Variants in CLYBL observed in about 807,000 individuals in gnomAD.
CLYBL encodes citramalyl-CoA lyase, mitochondrial.
A neutral mutation model predicts 38.9 loss-of-function variants in CLYBL; 31 were observed. The ratio of observed to expected loss-of-function variants is 0.80; its 90% CI spans 0.60 to 1.08. The LOEUF (loss-of-function observed/expected upper bound fraction) is 1.08, where lower values mean the gene tolerates loss of function less well. Among genes scored for constraint, CLYBL ranks in the 50% least tolerant of loss-of-function variants. CLYBL has a pLI of 0.00. For missense variants in CLYBL, 434 were observed against 411.6 expected, an observed-to-expected ratio of 1.05 and a Z score of -0.47; for synonymous variants, 171 against 158.6, an observed-to-expected ratio of 1.08 and a Z score of -0.59.
intron 1 of CLYBL, among the ~76,000 whole-genome samples, chr13:99,727,878 G>A (rs2048507033): frequency 6.6e-6 from 1 of 152,138 alleles, no homozygotes; most frequent in African/African-American, 2.4e-5. Context: ...AGGAGTTTCA[G>A]ACCAGCCTGG....
Position 99,869,953 on chromosome 13 carries a change from A to G in CLYBL, c.803-985A>G, listed in dbSNP as rs1256987931. Among the ~76,000 whole-genome samples the G allele has an allele frequency of 6.6e-6, 1 of 152,140 alleles. No individual in the cohort carries two copies. The highest frequency in any genetic ancestry group is 2.4e-5 in the African/African-American group (1 of 41,454). ...ACATTAAATTATGTTGCATTTTATTAATGATCTGATTGGATTCTACACTTC... is the reference window on the plus strand; with the variant it reads ...ACATTAAATTATGTTGCATTTTATTGATGATCTGATTGGATTCTACACTTC... On this transcript the variant is annotated intron_variant, in intron 6 of 8. Transcript: ENST00000339105. This position sits in a 1 kb window ranked among gnomAD's most constrained non-coding sequence, Gnocchi z 4.3.
chr13:99,754,157 C>A (rs535056346), intron 1 of CLYBL, among the ~76,000 whole-genome samples: 1 of 138,832 alleles, frequency 7.2e-6, no homozygotes, highest in African/African-American at 2.7e-5. Flanking sequence ...TGCCTATAAT[C>A]TCAGCACTTT....
intron 1 of CLYBL, among the ~76,000 whole-genome samples, chr13:99,610,026 C>G (rs2046602410): frequency 6.6e-6 from 1 of 152,192 alleles, no homozygotes; most frequent in African/African-American, 2.4e-5. Flanking sequence ...CCTCAGCCTC[C>G]CCAGTAGCTG....
intron 1 of CLYBL, among the ~76,000 whole-genome samples, chr13:99,669,182 T>C (rs1008290518): frequency 1.3e-5 from 2 of 152,010 alleles, no homozygotes; most frequent in African/African-American, 4.8e-5. Context: ...TTTTGTATTT[T>C]TAGTATAGAA....
intron 8 of CLYBL, 104 bp from the exon 9 acceptor site, chr13:99,892,339 C>T (rs1172561397): frequency 6.6e-6 from 1 of 152,378 alleles, no homozygotes; most frequent in African/African-American, 2.4e-5. Context: ...GGTTAACGGG[C>T]TTAGTAAAGC....
chr13:99,816,043 A>G (rs1371311366), intron 2 of CLYBL, among the ~76,000 whole-genome samples: 3 of 152,214 alleles, frequency 2.0e-5, no homozygotes, highest in Admixed American at 1.3e-4. Flanking sequence ...TATATTCGCA[A>G]TGACTAACTT....
chr13:99,781,232 G>A (rs1221493927), intron 2 of CLYBL, among the ~76,000 whole-genome samples: 2 of 150,018 alleles, frequency 1.3e-5, no homozygotes, highest in East Asian at 2.0e-4. Flanking sequence ...GTGCAGTGGT[G>A]CGATCTTGGC....
chr13:99,859,583 C>T (rs1236428378), intron 3 of CLYBL, among the ~76,000 whole-genome samples: 1 of 152,222 alleles, frequency 6.6e-6, no homozygotes, highest in Admixed American at 6.5e-5. Context: ...TCAATTAGCA[C>T]TGATATTATT....
intron 2 of CLYBL, among the ~76,000 whole-genome samples, chr13:99,833,910 C>A (rs1012412679): frequency 6.6e-6 from 1 of 151,848 alleles, no homozygotes; most frequent in Non-Finnish European, 1.5e-5. Context: ...CTGTGTTGGC[C>A]AGGATGGTCT....
intron 1 of CLYBL, among the ~76,000 whole-genome samples, chr13:99,717,441 A>G (rs1239254266): frequency 7.1e-6 from 1 of 141,118 alleles, no homozygotes; most frequent in East Asian, 2.0e-4. Context: ...AATTAGAAAA[A>G]AAAAAAAAAA....
At chr13:99,774,606 A>G (rs374704324) in intron 2 of CLYBL, among the ~76,000 whole-genome samples, 173 of 152,220 alleles carry the variant, frequency 1.1e-3, no homozygotes, top group Non-Finnish European at 1.9e-3. Context: ...GTACTATACA[A>G]TTTTCTGGAT....
intron 2 of CLYBL, among the ~76,000 whole-genome samples, chr13:99,776,293 A>C (rs2049514678): frequency 6.6e-6 from 1 of 151,720 alleles, no homozygotes; most frequent in Admixed American, 6.6e-5. Context: ...CCAGTAGTTC[A>C]AGACCAGCCT....
chr13:99,764,278 C>T (rs1260463301), intron 1 of CLYBL, among the ~76,000 whole-genome samples: 2 of 151,972 alleles, frequency 1.3e-5, no homozygotes, highest in East Asian at 3.9e-4. Context: ...GTTGCCCAGG[C>T]TGGCTCTTCA....
rs568989182 is a variant in CLYBL, at chr13:99,703,897, G to A, written c.63-68927G>A. ...AAAAAGCTTATACATATAAGATAAT[G>A]TATAGCATGCATAAAGATTTATAGA... is the stretch of plus-strand genomic sequence containing the variant. On this transcript the variant is annotated intron_variant, in intron 1 of 8. Coordinates refer to ENST00000339105, the MANE Select transcript of CLYBL (RefSeq NM_206808.5). Among the ~76,000 whole-genome samples the A allele has an allele frequency of 3.3e-5, 5 of 152,266 alleles. No individual in the cohort carries two copies. The East Asian group carries it at 9.6e-4, about 29-fold the overall frequency.
intron 1 of CLYBL, among the ~76,000 whole-genome samples, chr13:99,702,320 A>C (rs1258136759): frequency 6.6e-6 from 1 of 151,826 alleles, no homozygotes; most frequent in Non-Finnish European, 1.5e-5. Context: ...TAATTTACTT[A>C]TTTTGGGGGT....
chr13:99,803,098 C>A (rs1485186795), intron 2 of CLYBL, among the ~76,000 whole-genome samples: 1 of 152,218 alleles, frequency 6.6e-6, no homozygotes, highest in African/African-American at 2.4e-5. Flanking sequence ...AACTCAAGGG[C>A]TAAGTCTGAC....
At chr13:99,898,612 A>G (rs1047990480), downstream of CLYBL, among the ~76,000 whole-genome samples, 5 of 152,186 alleles carry the variant, frequency 3.3e-5, no homozygotes, top group Non-Finnish European at 7.3e-5. Flanking sequence ...TACCCACATC[A>G]GTGACAGCAT....
chr13:99,898,661 C>T (rs2052609429), downstream of CLYBL, among the ~76,000 whole-genome samples: 1 of 152,196 alleles, frequency 6.6e-6, no homozygotes, highest in Admixed American at 6.5e-5. Flanking sequence ...CCACACTGAT[C>T]TTTTCCGAAG....
intron 8 of CLYBL, 136 bp downstream of exon 8, chr13:99,891,573 C>A (rs2052490852): frequency 3.7e-6 from 2 of 546,426 alleles, no homozygotes; most frequent in Non-Finnish European, 6.5e-6. Flanking sequence ...GTCTCACTGG[C>A]CAGTTATTCC....
Sources: allele counts gnomAD v4.1 joint callset (sites outside exome capture counted in the v4.1 genomes callset), GRCh38; gene constraint gnomAD v4.1.1; non-coding constraint Gnocchi (gnomAD v3.1); transcripts MANE v1.5; gene names NCBI Gene and HGNC (gene_info 2026-07-23, HGNC 2026-07-21).